The following RUNDC3B variants were observed in gnomAD, a reference collection of about 807,000 sequenced individuals.
The protein encoded by RUNDC3B is RUN domain-containing protein 3B.
RUNDC3B carries 33 observed loss-of-function variants against 58.4 expected under a neutral mutation model. The observed-to-expected ratio is 0.56, with a 90% CI of 0.43 to 0.75. The LOEUF (loss-of-function observed/expected upper bound fraction) is 0.75, where lower values mean the gene tolerates loss of function less well. Among genes scored for constraint, RUNDC3B ranks in the 30% least tolerant of loss-of-function variants. The probability of loss-of-function intolerance (pLI) is 0.00; values close to 1 mark genes in which losing one functional copy is unlikely to be tolerated. For missense variants in RUNDC3B, 501 were observed against 535.7 expected, an observed-to-expected ratio of 0.94 and a Z score of 0.64; for synonymous variants, 193 against 195.2, an observed-to-expected ratio of 0.99 and a Z score of 0.10.
At chr7:87,660,658 T>C (rs1323572204) in intron 2 of RUNDC3B, among the ~76,000 whole-genome samples, 2 of 152,014 alleles carry the variant, frequency 1.3e-5, no homozygotes, top group East Asian at 1.9e-4. Flanking sequence ...TCCTCTGTTA[T>C]ATCTTCTTTG....
At chr7:87,776,083 G>A (rs764888761) in intron 7 of RUNDC3B, among the ~76,000 whole-genome samples, 16 of 152,102 alleles carry the variant, frequency 1.1e-4, no homozygotes, top group Non-Finnish European at 2.2e-4. Context: ...ATAATATCAA[G>A]TGGGAATGTG....
intron 8 of RUNDC3B, among the ~76,000 whole-genome samples, chr7:87,798,524 T>C (rs1835937912): frequency 6.6e-6 from 1 of 152,216 alleles, no homozygotes; most frequent in South Asian, 2.1e-4. Flanking sequence ...GAATCTTGTG[T>C]CCTTCTAATA....
chr7:87,662,080 G>C (rs1406233125), intron 2 of RUNDC3B, among the ~76,000 whole-genome samples: 2 of 151,880 alleles, frequency 1.3e-5, no homozygotes, highest in Non-Finnish European at 2.9e-5. Context: ...CTGATCTTTT[G>C]CCCATTTTAA....
At chr7:87,733,708 G>A (rs2130798541) in intron 4 of RUNDC3B, among the ~76,000 whole-genome samples, 1 of 152,268 alleles carries the variant, frequency 6.6e-6, no homozygotes, top group South Asian at 2.1e-4. Flanking sequence ...TAAGGAGCAT[G>A]CAACCTAGAT....
intron 10 of RUNDC3B, among the ~76,000 whole-genome samples, chr7:87,817,254 A>C (rs1271403370): frequency 6.6e-6 from 1 of 152,134 alleles, no homozygotes; most frequent in East Asian, 1.9e-4. Flanking sequence ...ATTTACTCAT[A>C]ATCTTCTCTA....
At chr7:87,652,530 G>C (rs1263284799) in intron 2 of RUNDC3B, among the ~76,000 whole-genome samples, 1 of 151,398 alleles carries the variant, frequency 6.6e-6, no homozygotes, top group Non-Finnish European at 1.5e-5. Context: ...CTAAGATATA[G>C]TAAGAAAGCT....
At chr7:87,802,806 A>T (rs1478385604) in intron 8 of RUNDC3B, among the ~76,000 whole-genome samples, 1 of 151,874 alleles carries the variant, frequency 6.6e-6, no homozygotes, top group Non-Finnish European at 1.5e-5. Context: ...GGAGTTTGAG[A>T]CCAGCCTGGG....
intron 2 of RUNDC3B, among the ~76,000 whole-genome samples, chr7:87,664,380 T>G (rs894787141): frequency 6.6e-6 from 1 of 152,062 alleles, no homozygotes; most frequent in Non-Finnish European, 1.5e-5. Context: ...CAAAATTACT[T>G]TACTTACAAG....
chr7:87,713,121 T>C (rs1830238032), intron 4 of RUNDC3B: 1 of 152,228 alleles, frequency 6.6e-6, no homozygotes, highest in African/African-American at 2.4e-5. Flanking sequence ...AGATTAGATT[T>C]GTAAAATACA....
chr7:87,673,318 A>G (rs542003058), intron 2 of RUNDC3B, among the ~76,000 whole-genome samples: 4 of 152,262 alleles, frequency 2.6e-5, no homozygotes, highest in African/African-American at 9.6e-5. Flanking sequence ...ATGTTTCCCA[A>G]TTTCCTTGCT....
Position 87,677,606 on chromosome 7 carries a change from C to T in RUNDC3B, c.239-22815C>T, listed in dbSNP as rs1156648163. ...AAGTGCTGGAGACCTATATTGTGTACTTGAAAATTGCTATGATAGTAGATC... is the reference window on the plus strand; with the variant it reads ...AAGTGCTGGAGACCTATATTGTGTATTTGAAAATTGCTATGATAGTAGATC... On this transcript the variant is annotated intron_variant, in intron 2 of 10. Coordinates refer to ENST00000394654, the MANE Select transcript of RUNDC3B (RefSeq NM_001134405.2). Among the ~76,000 whole-genome samples the T allele has an allele frequency of 3.3e-5, 5 of 152,030 alleles. No homozygotes were observed. In the East Asian group the frequency reaches 9.6e-4, roughly 29 times the overall value.
intron 3 of RUNDC3B, among the ~76,000 whole-genome samples, chr7:87,701,870 G>A (rs958740721): frequency 7.2e-5 from 11 of 152,094 alleles, no homozygotes; most frequent in African/African-American, 1.9e-4. Flanking sequence ...CTGGCCGGGC[G>A]CGGTGGCTCA....
intron 2 of RUNDC3B, among the ~76,000 whole-genome samples, chr7:87,656,585 G>A (rs1049095110): frequency 1.3e-5 from 2 of 151,866 alleles, no homozygotes; most frequent in African/African-American, 4.8e-5. Context: ...AAAGGGGGAG[G>A]AGGAAAATAG....
intron 6 of RUNDC3B, among the ~76,000 whole-genome samples, chr7:87,767,678 C>G (rs1834044406): frequency 6.6e-6 from 1 of 152,198 alleles, no homozygotes. Flanking sequence ...TAAGAGCCAG[C>G]TTTCCCTGGG....
chr7:87,674,417 T>C (rs1826123484), intron 2 of RUNDC3B, among the ~76,000 whole-genome samples: 1 of 152,064 alleles, frequency 6.6e-6, no homozygotes, highest in African/African-American at 2.4e-5. Context: ...GCAGTGTATC[T>C]CTGTGCCCAC....
chr7:87,670,803 G>A (rs946418251), intron 2 of RUNDC3B, among the ~76,000 whole-genome samples: 4 of 152,118 alleles, frequency 2.6e-5, no homozygotes, highest in Non-Finnish European at 5.9e-5. Context: ...AGGCTTTTTG[G>A]TCAGTTGGTA....
chr7:87,655,295 A>G (rs2130406774), intron 2 of RUNDC3B, among the ~76,000 whole-genome samples: 1 of 152,268 alleles, frequency 6.6e-6, no homozygotes, highest in Admixed American at 6.5e-5. Flanking sequence ...GATTATTCAC[A>G]CTAGCTAAGA....
intron 10 of RUNDC3B, among the ~76,000 whole-genome samples, chr7:87,819,749 A>C (rs1332037049): frequency 2.0e-5 from 3 of 152,222 alleles, no homozygotes; most frequent in African/African-American, 4.8e-5. Flanking sequence ...AAAACCGCTC[A>C]ACTACATGGA....
chr7:87,641,987 T>G (rs745820747), intron 1 of RUNDC3B, among the ~76,000 whole-genome samples: 1 of 152,070 alleles, frequency 6.6e-6, no homozygotes, highest in Non-Finnish European at 1.5e-5. Context: ...ACAAAACATC[T>G]GTATCTTAAC....
Sources: gnomAD v4.1 joint callset for allele counts (sites outside exome capture counted in the v4.1 genomes callset) on GRCh38, gnomAD v4.1.1 for gene constraint, MANE v1.5 for transcripts, NCBI Gene and HGNC (gene_info 2026-07-23, HGNC 2026-07-21) for gene names.